GTF2A1L: variants seen among roughly 807,000 people sequenced by gnomAD.
GTF2A1L encodes TFIIA-alpha and beta-like factor.
In GTF2A1L, 48 loss-of-function variants were observed where a neutral mutation model predicts 49.7. The observed-to-expected ratio is 0.97, with a 90% CI of 0.77 to 1.23. GTF2A1L has a LOEUF of 1.23. GTF2A1L is among the 50% of genes most tolerant of loss of function. The probability of loss-of-function intolerance (pLI) is 0.00; values close to 1 mark genes in which losing one functional copy is unlikely to be tolerated. For synonymous variants in GTF2A1L, 246 were observed against 193.5 expected (o/e 1.27, Z -2.25); for missense variants, 736 against 564.8 (o/e 1.30, Z -3.07).
At chr2:48,645,588 G>A (rs983610935) in intron 5 of GTF2A1L, among the ~76,000 whole-genome samples, 1 of 152,136 alleles carries the variant, frequency 6.6e-6, no homozygotes, top group East Asian at 1.9e-4. Context: ...TTTTGAAGAG[G>A]ATCATACCTC....
At chr2:48,655,379 C>CAG (rs1558749092) in intron 6 of GTF2A1L, among the ~76,000 whole-genome samples, 1 of 151,948 alleles carries the variant, frequency 6.6e-6, no homozygotes, top group Admixed American at 6.6e-5. Flanking sequence ...TAGAGACAGA[C>CAG]AGAGTCTCAC....
chr2:48,649,091 A>G (rs944667446), intron 6 of GTF2A1L, among the ~76,000 whole-genome samples: 1 of 152,138 alleles, frequency 6.6e-6, no homozygotes, highest in African/African-American at 2.4e-5. Flanking sequence ...TATATTCTTG[A>G]TAGCTTTTAA....
intron 8 of GTF2A1L, among the ~76,000 whole-genome samples, chr2:48,676,390 T>G (rs1329351708): frequency 6.6e-6 from 1 of 151,806 alleles, no homozygotes; most frequent in East Asian, 1.9e-4. Context: ...AAAGGGCAAA[T>G]GTACGTGGTT....
intron 3 of GTF2A1L, among the ~76,000 whole-genome samples, chr2:48,640,233 G>T (rs553154750): frequency 6.6e-6 from 1 of 152,206 alleles, no homozygotes; most frequent in South Asian, 2.1e-4. Flanking sequence ...CTACCATAAA[G>T]ACGCATGCGA....
chr2:48,648,315 C>CT (rs1186123960), intron 6 of GTF2A1L, among the ~76,000 whole-genome samples: 3 of 152,052 alleles, frequency 2.0e-5, no homozygotes, highest in African/African-American at 7.2e-5. Context: ...TGAGGTAAAA[C>CT]TAACTACAAA....
At chr2:48,643,443 A>G (rs371704886) in intron 4 of GTF2A1L, among the ~76,000 whole-genome samples, 3 of 152,082 alleles carry the variant, frequency 2.0e-5, no homozygotes, top group African/African-American at 7.2e-5. Flanking sequence ...CCATTTCTTC[A>G]CTAAGAACAG....
chr2:48,659,685 C>G (rs550330803), intron 6 of GTF2A1L, among the ~76,000 whole-genome samples: 5 of 151,780 alleles, frequency 3.3e-5, no homozygotes, highest in Non-Finnish European at 4.4e-5. Flanking sequence ...AGTCTTTTGC[C>G]TCTGTGGTTC....
At chr2:48,631,367 C>A (rs1402094372) in intron 3 of GTF2A1L, among the ~76,000 whole-genome samples, 1 of 152,048 alleles carries the variant, frequency 6.6e-6, no homozygotes, top group Non-Finnish European at 1.5e-5. Flanking sequence ...TTTTATGTTT[C>A]TAGGAATTTA....
chr2:48,675,525 G>A (rs147360213), intron 8 of GTF2A1L, among the ~76,000 whole-genome samples: 3 of 152,160 alleles, frequency 2.0e-5, no homozygotes, highest in East Asian at 1.9e-4. Context: ...CATACTGGGT[G>A]AGAATTAGTT....
chr2:48,637,153 G>T (rs1015324598), intron 3 of GTF2A1L, among the ~76,000 whole-genome samples: 1 of 152,106 alleles, frequency 6.6e-6, no homozygotes, highest in African/African-American at 2.4e-5. Flanking sequence ...ATGCTAATGC[G>T]TATTCACAAA....
rs1188715582 is a variant in GTF2A1L at position 48,669,748 on chromosome 2, C to T, written c.1005C>T (p.Ser335=). ...ATTCTAATTCTCAGGTGGATTTAAG[C>T]ATTCGGGTTACTGATGATGATATTG... The part of the protein sequence containing the change: ...EKDSNSQVDL[S]IRVTDDDIGE... Residue 335 remains serine, a synonymous_variant, in exon 7 of 9, where the codon AGC becomes AGT. Coordinates refer to ENST00000403751, the MANE Select transcript of GTF2A1L (RefSeq NM_006872.5). 7 of 1,612,256 alleles carry T rather than the reference C, an allele frequency of 4.3e-6. No homozygotes were observed. Among genetic ancestry groups the T allele is most frequent in the Non-Finnish European group, 5.9e-6 (7 of 1,179,060 alleles).
At chr2:48,633,212 G>A (rs1676681806) in intron 3 of GTF2A1L, 3 of 206,992 alleles carry the variant, frequency 1.4e-5, no homozygotes, top group Non-Finnish European at 3.2e-5. Context: ...AGGCATTTCT[G>A]TCAATGTTAC....
At chr2:48,643,084 C>T (rs995648105) in intron 4 of GTF2A1L, among the ~76,000 whole-genome samples, 3 of 152,136 alleles carry the variant, frequency 2.0e-5, no homozygotes, top group Non-Finnish European at 4.4e-5. Context: ...ATGCTTGTTA[C>T]ATCCTAAATA....
At chr2:48,664,675 TC>T (rs1417877932) in intron 6 of GTF2A1L, among the ~76,000 whole-genome samples, 1 of 152,204 alleles carries the variant, frequency 6.6e-6, no homozygotes, top group Non-Finnish European at 1.5e-5. Context: ...GAATTAAATT[TC>T]TTTAACTGAT....
chr2:48,646,549 T>C lies in GTF2A1L; in HGVS notation c.485T>C (p.Leu162Pro). 1.2e-6 allele frequency: 2 copies of C among 1,614,200 alleles called. No individual in the cohort carries two copies. The highest frequency in any genetic ancestry group is 1.7e-6 in the Non-Finnish European group (2 of 1,180,040). Residue 162 changes from leucine to proline, a missense_variant, in exon 6 of 9, where the codon CTT (leucine) becomes CCT (proline). By Grantham distance (98) the Leu-to-Pro change is moderately conservative. Transcript: ENST00000403751. ...QHPIQQVFQQ[L>P]GQPSVIQTSV... is the part of the protein sequence containing the mutation. ...CCAATTCAGCAAGTATTTCAACAGCTTGGCCAGCCTTCAGTAATACAAACT... is the reference window on the plus strand; with the variant it reads ...CCAATTCAGCAAGTATTTCAACAGCCTGGCCAGCCTTCAGTAATACAAACT...
rs1166069101 is a variant in GTF2A1L at position 48,657,262 on chromosome 2, C to T, written c.978+10220C>T. On this transcript the variant is annotated intron_variant, in intron 6 of 8. Transcript: ENST00000403751. ...AGCCCTTGCCCTCACTTCCCCTTCT[C>T]CCTTTTTGGAGTCCCCAATGTCTAT... 5.3e-5 allele frequency among the ~76,000 whole-genome samples: 8 copies of T among 152,116 alleles called. No homozygotes were observed. In the East Asian group the frequency reaches 1.5e-3, roughly 29 times the overall value.
intron 6 of GTF2A1L, among the ~76,000 whole-genome samples, chr2:48,663,859 T>C (rs1384034979): frequency 6.6e-6 from 1 of 152,140 alleles, no homozygotes; most frequent in Non-Finnish European, 1.5e-5. Context: ...GCGATCCTTT[T>C]GTCTTGTCCT....
intron 5 of GTF2A1L, among the ~76,000 whole-genome samples, chr2:48,645,850 G>A (rs1572729215): frequency 1.3e-5 from 2 of 151,712 alleles, no homozygotes; most frequent in Non-Finnish European, 2.9e-5. Context: ...GGGTTTCACC[G>A]TTTTAGCCAG....
At chr2:48,618,035 C>G in intron 1 of GTF2A1L, 140 bp downstream of exon 1, 1 of 863,494 alleles carries the variant, frequency 1.2e-6, no homozygotes, top group Non-Finnish European at 1.8e-6. Context: ...GGCTGGGGCT[C>G]TTCTTCACGT....
Sources: gnomAD v4.1 joint callset for allele counts (sites outside exome capture counted in the v4.1 genomes callset) on GRCh38, gnomAD v4.1.1 for gene constraint, MANE v1.5 for transcripts, NCBI Gene and HGNC (gene_info 2026-07-23, HGNC 2026-07-21) for gene names.